SLC25A26: variants seen among roughly 807,000 people sequenced by gnomAD.
SLC25A26 encodes mitochondrial S-adenosylmethionine carrier protein.
A neutral mutation model predicts 37.8 loss-of-function variants in SLC25A26; 36 were observed. That is an observed-to-expected ratio of 0.95 (90% CI 0.73 to 1.26). The LOEUF is 1.26. SLC25A26 is among the 50% of genes most tolerant of loss of function. The pLI, the probability that SLC25A26 is intolerant of heterozygous loss-of-function variation, is 0.00. For missense variants in SLC25A26, 390 were observed against 331.1 expected, an observed-to-expected ratio of 1.18 and a Z score of -1.38; for synonymous variants, 129 against 122.5, an observed-to-expected ratio of 1.05 and a Z score of -0.35.
chr3:66,365,190 T>C (rs1426402769), intron 7 of SLC25A26, among the ~76,000 whole-genome samples: 1 of 152,172 alleles, frequency 6.6e-6, no homozygotes, highest in East Asian at 1.9e-4. Context: ...TACATGGCCA[T>C]AAAAGCAGTG....
intron 1 of SLC25A26, among the ~76,000 whole-genome samples, chr3:66,138,648 G>A (rs537380749): frequency 2.0e-5 from 3 of 151,740 alleles, no homozygotes; most frequent in Admixed American, 6.6e-5. Context: ...TGCAGGGGGA[G>A]GGGGGGTAGG....
chr3:66,348,380 A>G (rs2076375664), intron 6 of SLC25A26, among the ~76,000 whole-genome samples: 1 of 152,216 alleles, frequency 6.6e-6, no homozygotes, highest in Non-Finnish European at 1.5e-5. Context: ...GTGCACACAC[A>G]TATGTATCTA....
chr3:66,267,593 C>A (rs2073802757), intron 5 of SLC25A26, among the ~76,000 whole-genome samples: 1 of 152,140 alleles, frequency 6.6e-6, no homozygotes, highest in Non-Finnish European at 1.5e-5. Flanking sequence ...GGAGCTGTCC[C>A]AATGGCAAGA....
chr3:66,252,715 G>T (rs1219269412), intron 3 of SLC25A26, among the ~76,000 whole-genome samples: 3 of 152,164 alleles, frequency 2.0e-5, no homozygotes, highest in Non-Finnish European at 4.4e-5. Flanking sequence ...GAATTTCCTA[G>T]TTTTGGGAAA....
At chr3:66,273,112 T>C (rs2074013023) in intron 5 of SLC25A26, among the ~76,000 whole-genome samples, 1 of 152,198 alleles carries the variant, frequency 6.6e-6, no homozygotes, top group South Asian at 2.1e-4. Context: ...TTTGTGTATA[T>C]TGGAGCAGCC....
At chr3:66,308,405 C>T (rs931086273) in intron 5 of SLC25A26, among the ~76,000 whole-genome samples, 3 of 152,012 alleles carry the variant, frequency 2.0e-5, no homozygotes, top group African/African-American at 4.8e-5. Context: ...TTTGGGGCTG[C>T]GATGATGGAG....
chr3:66,335,887 G>A (rs2076083952), intron 5 of SLC25A26, among the ~76,000 whole-genome samples: 1 of 152,150 alleles, frequency 6.6e-6, no homozygotes. Flanking sequence ...TTATGGGAAA[G>A]TTGGTGGTGG....
At chr3:66,199,699 T>A (rs1326883230) in intron 1 of SLC25A26, among the ~76,000 whole-genome samples, 2 of 152,080 alleles carry the variant, frequency 1.3e-5, no homozygotes, top group Non-Finnish European at 2.9e-5. Flanking sequence ...CTGACCCTCA[T>A]CATGAAATTG....
At chr3:66,199,454 C>G (rs1037937953) in intron 1 of SLC25A26, among the ~76,000 whole-genome samples, 28 of 152,160 alleles carry the variant, frequency 1.8e-4, no homozygotes, top group African/African-American at 6.5e-4. Flanking sequence ...GACTTTCAGC[C>G]TCCTTTGAAC....
chr3:66,261,687 G>A (rs1331304458), intron 3 of SLC25A26: 1 of 179,308 alleles, frequency 5.6e-6, no homozygotes, highest in African/African-American at 2.4e-5. Flanking sequence ...GGTTCCTCTG[G>A]TTCATTTTTC....
At chr3:66,198,848 C>T (rs1197076619) in intron 1 of SLC25A26, among the ~76,000 whole-genome samples, 1 of 151,972 alleles carries the variant, frequency 6.6e-6, no homozygotes, top group Admixed American at 6.6e-5. Flanking sequence ...TCTTCTCACT[C>T]TGACCTTCAC....
At chr3:66,360,613 A>G (rs1466569699) in intron 6 of SLC25A26, among the ~76,000 whole-genome samples, 8 of 152,256 alleles carry the variant, frequency 5.3e-5, no homozygotes, top group Admixed American at 3.9e-4. Flanking sequence ...CATATTAGCA[A>G]TGAACAACCA....
intron 5 of SLC25A26, among the ~76,000 whole-genome samples, chr3:66,319,790 G>A (rs1056947126): frequency 2.4e-5 from 2 of 84,648 alleles, no homozygotes. Flanking sequence ...TTTCACTCTT[G>A]TTGCCCAGGC....
intron 9 of SLC25A26, among the ~76,000 whole-genome samples, chr3:66,372,343 G>A (rs1035622763): frequency 2.0e-5 from 3 of 152,210 alleles, no homozygotes; most frequent in Non-Finnish European, 2.9e-5. Context: ...GTGGTGGCAG[G>A]TGGGGATGGC....
chr3:66,350,612 C>T (rs2076427916), intron 6 of SLC25A26, among the ~76,000 whole-genome samples: 2 of 152,202 alleles, frequency 1.3e-5, no homozygotes, highest in African/African-American at 4.8e-5. Flanking sequence ...CTTTCTAAAA[C>T]TCTAAAACAT....
chr3:66,309,956 T>A (rs2075330716), intron 5 of SLC25A26, among the ~76,000 whole-genome samples: 1 of 152,218 alleles, frequency 6.6e-6, no homozygotes, highest in African/African-American at 2.4e-5. Context: ...TGTGTGGTGC[T>A]GAGAAGAATG....
intron 1 of SLC25A26, among the ~76,000 whole-genome samples, chr3:66,157,053 T>C (rs1166511954): frequency 6.6e-6 from 1 of 152,120 alleles, no homozygotes; most frequent in Non-Finnish European, 1.5e-5. Context: ...GACAACATAG[T>C]GAGACCCCAT....
intron 1 of SLC25A26, among the ~76,000 whole-genome samples, chr3:66,172,886 G>A (rs141880156): frequency 0.04 from 6,146 of 152,144 alleles, 412 homozygotes; most frequent in African/African-American, 0.14. Flanking sequence ...TGGATGAGGG[G>A]CCCACCCTAG....
At chr3:66,218,970 C>T (rs1007592308), upstream of SLC25A26, among the ~76,000 whole-genome samples, 5 of 152,190 alleles carry the variant, frequency 3.3e-5, no homozygotes, top group African/African-American at 9.7e-5. Flanking sequence ...TGATTCTTGA[C>T]GTATGAAAAC....
Sources: gnomAD v4.1 joint callset for allele counts (sites outside exome capture counted in the v4.1 genomes callset) on GRCh38, gnomAD v4.1.1 for gene constraint, MANE v1.5 for transcripts, NCBI Gene and HGNC (gene_info 2026-07-23, HGNC 2026-07-21) for gene names.